Variants in DLG2 observed in about 807,000 individuals in gnomAD.
DLG2 encodes discs large MAGUK scaffold protein 2.
Under a neutral mutation model 132.5 loss-of-function variants are expected in DLG2, and 45 were observed. That is an observed-to-expected ratio of 0.34 (90% confidence interval 0.27 to 0.44). The LOEUF (loss-of-function observed/expected upper bound fraction) is 0.44. Ranked by LOEUF, DLG2 falls within the 20% of genes least tolerant of loss-of-function variation. The probability of loss-of-function intolerance (pLI) is 1.00; values close to 1 mark genes in which losing one functional copy is unlikely to be tolerated. For synonymous variants in DLG2, 424 were observed against 419.6 expected (o/e 1.01, Z -0.13); for missense variants, 1,045 against 1,196.9 (o/e 0.87, Z 1.87).
At chr11:84,751,305 A>C (rs567491986) in intron 6 of DLG2, among the ~76,000 whole-genome samples, 24 of 152,302 alleles carry the variant, frequency 1.6e-4, no homozygotes, top group Middle Eastern at 6.8e-3. Context: ...AAAAGAACAA[A>C]TATGAGGTGC....
chr11:83,704,423 GT>G (rs1209247722), intron 18 of DLG2, among the ~76,000 whole-genome samples: 3 of 151,920 alleles, frequency 2.0e-5, no homozygotes, highest in African/African-American at 7.3e-5. Flanking sequence ...TTCTTCAATT[GT>G]TTTTTTAAAC....
chr11:84,451,066 C>T (rs1465410991), intron 7 of DLG2, among the ~76,000 whole-genome samples: 3 of 151,818 alleles, frequency 2.0e-5, no homozygotes, highest in Admixed American at 6.6e-5. Context: ...TAAAATTTGA[C>T]TGCTGCTTTA....
chr11:84,573,922 A>G (rs1409118099), intron 6 of DLG2, among the ~76,000 whole-genome samples: 1 of 152,230 alleles, frequency 6.6e-6, no homozygotes, highest in African/African-American at 2.4e-5. Context: ...CTTCTTAAAG[A>G]CAGATGTGTT....
chr11:84,461,249 G>A (rs1411694119), intron 7 of DLG2, among the ~76,000 whole-genome samples: 2 of 150,854 alleles, frequency 1.3e-5, no homozygotes, highest in African/African-American at 2.4e-5. Flanking sequence ...TTTCAAGGAA[G>A]ATGTTATCAC....
At chr11:84,622,559 G>T (rs994924816) in intron 6 of DLG2, among the ~76,000 whole-genome samples, 6 of 152,144 alleles carry the variant, frequency 3.9e-5, no homozygotes, top group Non-Finnish European at 7.3e-5. Context: ...GAATCAATGG[G>T]ACCAGCAACA....
At chr11:84,347,142 A>G (rs894978003) in intron 7 of DLG2, among the ~76,000 whole-genome samples, 2 of 152,086 alleles carry the variant, frequency 1.3e-5, no homozygotes, top group African/African-American at 2.4e-5. Flanking sequence ...ATGATATGGA[A>G]AGTGTCACCC....
chr11:84,950,740 C>T (rs1041522348), intron 6 of DLG2, among the ~76,000 whole-genome samples: 1 of 152,050 alleles, frequency 6.6e-6, no homozygotes, highest in African/African-American at 2.4e-5. Flanking sequence ...CACACACACA[C>T]ACACGCACCC....
intron 19 of DLG2, among the ~76,000 whole-genome samples, chr11:83,572,015 T>C (rs975109275): frequency 9.9e-5 from 15 of 152,250 alleles, no homozygotes; most frequent in Non-Finnish European, 1.6e-4. Context: ...ACATATTATA[T>C]ATAAAGATAC....
intron 10 of DLG2, among the ~76,000 whole-genome samples, chr11:84,071,397 G>T (rs1358552394): frequency 2.6e-5 from 4 of 152,056 alleles, no homozygotes. Context: ...GAGCTACCAT[G>T]CCTGGCCTGA....
At chr11:83,664,307 T>C (rs1335474528) in intron 18 of DLG2, among the ~76,000 whole-genome samples, 1 of 152,216 alleles carries the variant, frequency 6.6e-6, no homozygotes, top group East Asian at 1.9e-4. Context: ...AGAGGTTATG[T>C]AGTTGCAAGG....
chr11:84,242,499 A>G (rs187935397), intron 8 of DLG2, among the ~76,000 whole-genome samples: 1 of 151,424 alleles, frequency 6.6e-6, no homozygotes, highest in Non-Finnish European at 1.5e-5. Flanking sequence ...GCTGCCTCCC[A>G]GGTTCAACTG....
chr11:84,966,183 CT>C (rs2053304989), intron 6 of DLG2, among the ~76,000 whole-genome samples: 3 of 151,926 alleles, frequency 2.0e-5, no homozygotes, highest in African/African-American at 7.3e-5. Context: ...ATCTATCTAT[CT>C]ATCTACCATG....
At chr11:84,867,031 T>C (rs143672876) in intron 6 of DLG2, among the ~76,000 whole-genome samples, 300 of 152,348 alleles carry the variant, frequency 2.0e-3, no homozygotes, top group Middle Eastern at 3.4e-3. Context: ...ATAAATAATG[T>C]CTTTAAGTAT....
intron 3 of DLG2, among the ~76,000 whole-genome samples, chr11:85,397,389 C>T (rs1311691273): frequency 6.6e-6 from 1 of 151,822 alleles, no homozygotes; most frequent in Non-Finnish European, 1.5e-5. Context: ...AAAATAACCA[C>T]CTAACATCAT....
At chr11:85,132,808 T>A in intron 5 of DLG2, 1 of 456,730 alleles carries the variant, frequency 2.2e-6, no homozygotes, top group Non-Finnish European at 4.4e-6. Context: ...CCTGGATCCC[T>A]ACACAGGACT....
Position 83,633,324 on chromosome 11 carries a change from A to G in DLG2, c.1827T>C (p.Asp609=), listed in dbSNP as rs767501417. 3 of 1,613,158 alleles carry G rather than the reference A, an allele frequency of 1.9e-6. No individual in the cohort carries two copies. Among genetic ancestry groups the G allele is most frequent in the Admixed American group, 1.7e-5 (1 of 59,912 alleles). Residue 609 remains aspartate, a splice_region_variant and synonymous_variant, in exon 19 of 28, where the codon GAT becomes GAC. Transcript: ENST00000376104. Reference sequence around the variant, plus strand: ...GGATTTTGGCCTCAAATCGAGCGTAATCTGGGAATGAAAACAAAGGTAGCA... The same window carrying G: ...GGATTTTGGCCTCAAATCGAGCGTAGTCTGGGAATGAAAACAAAGGTAGCA... ...VTIIAQYQPE[D]YARFEAKIHD...
rs142579416 is a variant in DLG2 at position 84,341,750 on chromosome 11, T to C, written c.520-90459A>G. Among the ~76,000 whole-genome samples, 32 of 152,350 alleles carry C rather than the reference T, an allele frequency of 2.1e-4. No individual in the cohort carries two copies. The East Asian group carries it at 6.2e-3, about 29-fold the overall frequency. On this transcript the variant is annotated intron_variant, in intron 7 of 27. Transcript: ENST00000376104. Reference sequence around the variant, plus strand: ...ATGGCCTGTGTTTTGCCTTTGGGCATTGGTAGTGAAGTATCAATCAGGTAG... The same window carrying C: ...ATGGCCTGTGTTTTGCCTTTGGGCACTGGTAGTGAAGTATCAATCAGGTAG...
intron 18 of DLG2, among the ~76,000 whole-genome samples, chr11:83,665,972 C>A (rs977822): frequency 0.04 from 6,115 of 152,190 alleles, 175 homozygotes; most frequent in Middle Eastern, 0.092. Context: ...AGGCCCCCTC[C>A]AACTTGACCC....
At chr11:83,955,140 G>A (rs913480983) in intron 14 of DLG2, among the ~76,000 whole-genome samples, 2 of 152,074 alleles carry the variant, frequency 1.3e-5, no homozygotes, top group African/African-American at 2.4e-5. Context: ...TGCCAAGCAC[G>A]TTACATGTAC....
Sources: gnomAD v4.1 joint callset for allele counts (sites outside exome capture counted in the v4.1 genomes callset) on GRCh38, gnomAD v4.1.1 for gene constraint, MANE v1.5 for transcripts, NCBI Gene and HGNC (gene_info 2026-07-23, HGNC 2026-07-21) for gene names.